The following RAPGEF1 variants were observed in gnomAD, a reference collection of about 807,000 sequenced individuals.
RAPGEF1 encodes Rap guanine nucleotide exchange factor 1.
Under a neutral mutation model 143.3 loss-of-function variants are expected in RAPGEF1, and 33 were observed. The ratio of observed to expected loss-of-function variants is 0.23; its 90% CI spans 0.17 to 0.31. The LOEUF (loss-of-function observed/expected upper bound fraction) is 0.31, where lower values mean the gene tolerates loss of function less well. RAPGEF1 is among the 10% of genes least tolerant of loss of function. RAPGEF1 has a pLI of 1.00. For synonymous variants in RAPGEF1, 629 were observed against 676.5 expected (o/e 0.93, Z 1.09); for missense variants, 1,199 against 1,645.4 (o/e 0.73, Z 4.69).
rs781646236 is a variant in RAPGEF1, at chr9:131,643,329, T to C, written c.404A>G (p.Lys135Arg). Residue 135 changes from lysine (K) to arginine (R), a missense_variant, in exon 4 of 27, where the codon AAG becomes AGG. Lys to Arg is a conservative substitution (Grantham distance 26). Around this residue, in one of 6 missense-constraint regions of RAPGEF1, gnomAD observed 613 missense variants for 710.9 expected, o/e 0.86. Transcript: ENST00000683357. Reference sequence around the variant, plus strand: ...CCCTGGAAGCATCTCCAGTACCTTCTTATCAATTGCCATTTTGTCCACAAT... The same window carrying C: ...CCCTGGAAGCATCTCCAGTACCTTCCTATCAATTGCCATTTTGTCCACAAT... Reference protein sequence around the residue: ...KTIVDKMAIDKKVLEMLPGSA... With the variant: ...KTIVDKMAIDRKVLEMLPGSA... 1.9e-6 allele frequency: 3 copies of C among 1,613,782 alleles called. No individual in the cohort carries two copies. In the South Asian group the frequency reaches 3.3e-5, roughly 18 times the overall value.
At chr9:131,661,338 A>G (rs1277557447) in intron 1 of RAPGEF1, among the ~76,000 whole-genome samples, 1 of 152,232 alleles carries the variant, frequency 6.6e-6, no homozygotes, top group Non-Finnish European at 1.5e-5. Context: ...AAAAGAGTAC[A>G]TTTTATACGA....
At chr9:131,678,812 C>T (rs888090717) in intron 1 of RAPGEF1, among the ~76,000 whole-genome samples, 6 of 152,168 alleles carry the variant, frequency 3.9e-5, no homozygotes, top group African/African-American at 1.2e-4. Context: ...TGGGGGGTGC[C>T]GGGGGCACAG....
At position 131,643,445 on chromosome 9, in the gene RAPGEF1, G is replaced by C. The variant is rs1281710676; in HGVS notation, c.316-28C>G. 2.5e-6 allele frequency: 4 copies of C among 1,585,416 alleles called. 1 individual carries two copies. The Middle Eastern group carries it at 5.2e-4, about 205-fold the overall frequency. ...GAAAGGAGACGTTAGGCATAAGGAG[G>C]AGGAGAGAGATTAAAGGGAGCTATT... On this transcript the variant is annotated intron_variant, in intron 3 of 26. Transcript: ENST00000683357.
chr9:131,599,454 A>T, intron 15 of RAPGEF1, among the ~76,000 whole-genome samples: 1 of 151,452 alleles, frequency 6.6e-6, no homozygotes, highest in Non-Finnish European at 1.5e-5. Flanking sequence ...AGAATTTTAA[A>T]ACAAGTGGTC....
intron 1 of RAPGEF1, among the ~76,000 whole-genome samples, chr9:131,663,372 T>C (rs565349341): frequency 2.7e-4 from 41 of 151,982 alleles, no homozygotes; most frequent in Middle Eastern, 3.4e-3. Flanking sequence ...AATAACATAA[T>C]AACATTATCA....
At chr9:131,645,079 A>C (rs1256699914) in intron 3 of RAPGEF1, among the ~76,000 whole-genome samples, 4 of 151,968 alleles carry the variant, frequency 2.6e-5, no homozygotes, top group African/African-American at 9.7e-5. Context: ...TCTTTTCACT[A>C]CCTGACAGAT....
At position 131,604,986 on chromosome 9, in the gene RAPGEF1, C is replaced by T; in HGVS notation, c.2264G>A (p.Ser755Asn). The stretch of plus-strand genomic sequence containing the variant: ...GCAGACAGTATTCCCATGAAAGCTG[C>T]TCTCCTGAGAAGCCGAGAGAGGCCC... ...VDGPLSASQE[S>N]SFHGNTVCLP... is the part of the protein sequence containing the mutation. Residue 755 changes from serine to asparagine, a missense_variant, in exon 13 of 27, where the codon AGC becomes AAC. This residue lies in a region of RAPGEF1 where 293 missense variants were observed against 356.2 expected (regional missense o/e 0.82). Transcript: ENST00000683357. 3.7e-6 allele frequency: 5 copies of T among 1,339,374 alleles called. No homozygotes were observed. The South Asian group carries it at 6.0e-5, about 16-fold the overall frequency. 83.0% of individuals were successfully genotyped at this position (1,339,374 alleles called of 1,614,324 possible).
intron 5 of RAPGEF1, among the ~76,000 whole-genome samples, chr9:131,630,683 T>A (rs756053090): frequency 6.6e-6 from 1 of 152,160 alleles, no homozygotes; most frequent in Non-Finnish European, 1.5e-5. Flanking sequence ...CTGTTCCTAG[T>A]TCTCTAAAGC....
chr9:131,673,251 T>C (rs1050602659), intron 1 of RAPGEF1, among the ~76,000 whole-genome samples: 4 of 152,170 alleles, frequency 2.6e-5, no homozygotes, highest in African/African-American at 9.7e-5. Flanking sequence ...TCTTTTAGTC[T>C]CTCTCATAGG....
chr9:131,598,128 C>T, intron 16 of RAPGEF1, 71 bp downstream of exon 16: 1 of 1,332,122 alleles, frequency 7.5e-7, no homozygotes. Context: ...GACAAGATCA[C>T]ATTCTTCTCT....
chr9:131,588,861 T>G lies in RAPGEF1; in HGVS notation c.2993A>C (p.Lys998Thr). 6.2e-7 allele frequency: 1 copy of G among 1,613,918 alleles called. No homozygotes were observed. The highest frequency in any genetic ancestry group is 1.1e-5 in the South Asian group (1 of 91,072). Residue 998 changes from lysine to threonine, a missense_variant, in exon 20 of 27, where the codon AAG becomes ACG. This residue lies in a region of RAPGEF1 where 209 missense variants were observed against 403.0 expected (regional missense o/e 0.52). Transcript: ENST00000683357. ...GGAGGTGGCACACCTGAGTAGCTTC[T>G]TCTGGTCCACCTTGTCCAGGATGTT... ...RKNILDKVDQ[K>T]KLLRCATSSQ...
intron 1 of RAPGEF1, among the ~76,000 whole-genome samples, chr9:131,723,174 A>C (rs1173866131): frequency 5.3e-5 from 8 of 152,268 alleles, no homozygotes; most frequent in Non-Finnish European, 1.2e-4. Context: ...AGCCTGGGTG[A>C]CAGAGCGAGA....
At position 131,702,761 on chromosome 9, in the gene RAPGEF1, G is replaced by T. The variant is rs563411732; in HGVS notation, c.61+37009C>A. Among the ~76,000 whole-genome samples the T allele has an allele frequency of 9.9e-5, 15 of 152,238 alleles. No homozygotes were observed. The East Asian group carries it at 2.9e-3, about 29-fold the overall frequency. ...AACTATATTAATGAAGCTACTTACT[G>T]CTGCCTGACCTGTAAAAAGTGGAAA... On this transcript the variant is annotated intron_variant, in intron 1 of 26. Transcript: ENST00000683357.
intron 1 of RAPGEF1, among the ~76,000 whole-genome samples, chr9:131,727,301 G>C (rs2131315269): frequency 6.6e-6 from 1 of 152,240 alleles, no homozygotes; most frequent in East Asian, 1.9e-4. Context: ...ATATAGTAGT[G>C]GGAATTTACG....
Position 131,626,286 on chromosome 9 carries a change from A to T in RAPGEF1, c.1338T>A (p.Pro446=). 1.2e-6 allele frequency: 2 copies of T among 1,614,004 alleles called. No individual in the cohort carries two copies. Among genetic ancestry groups the T allele is most frequent in the Non-Finnish European group, 1.7e-6 (2 of 1,179,878 alleles). Residue 446 remains proline (P), a synonymous_variant, in exon 10 of 27, where the codon CCT becomes CCA. Transcript: ENST00000683357. ...GATGGCCGCCAAGAGGCAGCTGGAA[A>T]GGAGGGCCAAGAAATGGAGACCCAG... ...GESGSPFLGP[P]FQLPLGGHPQ...
At chr9:131,670,326 C>T (rs942641491) in intron 1 of RAPGEF1, among the ~76,000 whole-genome samples, 11 of 152,180 alleles carry the variant, frequency 7.2e-5, no homozygotes, top group African/African-American at 2.7e-4. Context: ...ACCCACTCAG[C>T]GTGGGACACT....
At chr9:131,639,457 TGTGTGTGTGTGAGA>T (rs1037729431) in intron 4 of RAPGEF1, among the ~76,000 whole-genome samples, 3 of 151,678 alleles carry the variant, frequency 2.0e-5, no homozygotes, top group Admixed American at 6.6e-5. Context: ...TGTGTGTGTG[TGTGTGTGTGTGAGA>T]GAGAGACCAC....
At chr9:131,586,795 A>AACACAC (rs71372752) in intron 22 of RAPGEF1, among the ~76,000 whole-genome samples, 4 of 20,446 alleles carry the variant, frequency 2.0e-4, no homozygotes, top group African/African-American at 4.6e-4. Context: ...GACTCCGTCA[A>AACACAC]ACACACACAC....
intron 1 of RAPGEF1, among the ~76,000 whole-genome samples, chr9:131,708,111 C>A (rs558131798): frequency 2.0e-4 from 30 of 152,328 alleles, no homozygotes; most frequent in African/African-American, 6.3e-4. Context: ...AAATTAGCAT[C>A]CCACCTACTT....
Sources: gnomAD v4.1 joint callset for allele counts (sites outside exome capture counted in the v4.1 genomes callset) on GRCh38, gnomAD v4.1.1 for gene constraint, gnomAD v4.1.1 regional missense constraint, MANE v1.5 for transcripts, NCBI Gene and HGNC (gene_info 2026-07-23, HGNC 2026-07-21) for gene names.